The following GRM5 variants were observed in gnomAD, a reference collection of about 807,000 sequenced individuals.
GRM5 encodes glutamate metabotropic receptor 5.
In GRM5, 19 loss-of-function variants were observed where a neutral mutation model predicts 83.1. The ratio of observed to expected loss-of-function variants is 0.23; its 90% CI spans 0.16 to 0.34. GRM5 has a LOEUF of 0.34. Ranked by LOEUF, GRM5 falls within the 10% of genes least tolerant of loss-of-function variation. The pLI is 1.00. For missense variants in GRM5, 1,160 were observed against 1,588.3 expected (o/e 0.73, Z 4.58); for synonymous variants, 675 against 633.6 (o/e 1.07, Z -0.98).
chr11:88,599,434 T>G (rs1412431991), intron 5 of GRM5, among the ~76,000 whole-genome samples: 1 of 152,186 alleles, frequency 6.6e-6, no homozygotes, highest in Non-Finnish European at 1.5e-5. Context: ...CAGCTTAAGC[T>G]GTGAAAATAG....
chr11:88,676,721 T>A (rs1269664278), intron 3 of GRM5, among the ~76,000 whole-genome samples: 1 of 152,082 alleles, frequency 6.6e-6, no homozygotes, highest in Non-Finnish European at 1.5e-5. Context: ...CATTGTTTTC[T>A]AGATGCTATA....
At chr11:88,623,946 G>A (rs970646316) in intron 4 of GRM5, among the ~76,000 whole-genome samples, 6 of 152,106 alleles carry the variant, frequency 3.9e-5, no homozygotes, top group African/African-American at 1.2e-4. Flanking sequence ...GGTTTTTAGT[G>A]ATTGCAACAA....
At chr11:88,799,945 C>T (rs1361512167) in intron 3 of GRM5, among the ~76,000 whole-genome samples, 1 of 151,970 alleles carries the variant, frequency 6.6e-6, no homozygotes, top group African/African-American at 2.4e-5. Flanking sequence ...ACTCTGTGGG[C>T]CAATAGGCAA....
At chr11:88,624,031 T>G (rs1322863004) in intron 4 of GRM5, among the ~76,000 whole-genome samples, 1 of 152,236 alleles carries the variant, frequency 6.6e-6, no homozygotes, top group East Asian at 1.9e-4. Context: ...ACTAATTATT[T>G]AAGTTCCAAT....
intron 8 of GRM5, among the ~76,000 whole-genome samples, chr11:88,558,240 A>C (rs1942670595): frequency 6.6e-6 from 1 of 152,130 alleles, no homozygotes; most frequent in African/African-American, 2.4e-5. Flanking sequence ...CTCTCCAAAG[A>C]AAAGTAACTA....
chr11:88,706,274 G>A (rs1941155683), intron 3 of GRM5, among the ~76,000 whole-genome samples: 1 of 152,026 alleles, frequency 6.6e-6, no homozygotes, highest in Non-Finnish European at 1.5e-5. Flanking sequence ...CCCAGAAGCA[G>A]TCCCTAAGCC....
chr11:89,008,019 A>G (rs1940578898), intron 2 of GRM5, among the ~76,000 whole-genome samples: 1 of 152,226 alleles, frequency 6.6e-6, no homozygotes, highest in African/African-American at 2.4e-5. Flanking sequence ...CCAAACTTCA[A>G]TACCATTGTA....
intron 3 of GRM5, among the ~76,000 whole-genome samples, chr11:88,730,832 C>T (rs1228989021): frequency 6.6e-6 from 1 of 151,978 alleles, no homozygotes; most frequent in East Asian, 1.9e-4. Context: ...AACACATGGA[C>T]ACAGGGAGGG....
At chr11:88,903,645 A>C (rs1316880949) in intron 2 of GRM5, among the ~76,000 whole-genome samples, 2 of 152,214 alleles carry the variant, frequency 1.3e-5, no homozygotes, top group Non-Finnish European at 2.9e-5. Flanking sequence ...CAAATCAGAC[A>C]CAGAAATACA....
rs192193529 is a variant in GRM5, at chr11:88,940,953, T to G, written c.662-90798A>C. On this transcript the variant is annotated intron_variant, in intron 2 of 9. Transcript: ENST00000305447. The stretch of plus-strand genomic sequence containing the variant: ...TTACATGTGCACTCATATGTGACAA[T>G]GTGTTAAGTGCATACGCACAGTTTT... Among the ~76,000 whole-genome samples the G allele has an allele frequency of 2.7e-3, 405 of 152,142 alleles. 1 individual carries two copies. Among genetic ancestry groups the G allele is most frequent in the Admixed American group, 6.2e-3 (94 of 15,238 alleles).
intron 4 of GRM5, among the ~76,000 whole-genome samples, chr11:88,652,458 A>T (rs1939656475): frequency 6.6e-6 from 1 of 152,014 alleles, no homozygotes; most frequent in African/African-American, 2.4e-5. Context: ...TATTTTAAAC[A>T]CTTAGTTATC....
intron 3 of GRM5, among the ~76,000 whole-genome samples, chr11:88,703,606 C>T (rs995068020): frequency 5.9e-5 from 9 of 151,934 alleles, no homozygotes; most frequent in South Asian, 4.1e-4. Context: ...GAGAGGGACC[C>T]GGTGGGAGGT....
At position 88,597,253 on chromosome 11, in the gene GRM5, T is replaced by G; in HGVS notation, c.1494A>C (p.Glu498Asp). 4 of 1,607,120 alleles carry G rather than the reference T, an allele frequency of 2.5e-6. No homozygotes were observed. Among genetic ancestry groups the G allele is most frequent in the Non-Finnish European group, 3.4e-6 (4 of 1,173,960 alleles). The change falls in exon 6 of 10, where the codon GAA (glutamate) becomes GAC (aspartate). Residue 498 changes from glutamate (E) to aspartate (D), a missense_variant. Physicochemically the swap from Glu to Asp is conservative, Grantham distance 45 (BLOSUM62 2). Coordinates refer to ENST00000305447, the MANE Select transcript of GRM5 (RefSeq NM_001143831.3). ...TGATGTTGCTTTTCTTGGACCATAC[T>G]TCATCATCATCCATTTTTAATTCTC... The part of the protein sequence containing the change: ...DNGELKMDDD[E>D]VWSKKSNIIR...
At chr11:88,740,389 T>G (rs1942002001) in intron 3 of GRM5, among the ~76,000 whole-genome samples, 1 of 152,120 alleles carries the variant, frequency 6.6e-6, no homozygotes, top group South Asian at 2.1e-4. Context: ...TCAACTAATA[T>G]TTTAATAAGA....
At position 89,051,277 on chromosome 11, in the gene GRM5, AC is replaced by A. The variant is rs1941755249; in HGVS notation, c.-200-3206del. Among the ~76,000 whole-genome samples the A allele has an allele frequency of 1.6e-4, 24 of 150,846 alleles. 1 individual carries two copies. The South Asian group carries it at 4.8e-3, about 30-fold the overall frequency. On this transcript the variant is annotated intron_variant, in intron 1 of 9. Coordinates refer to ENST00000305447, the MANE Select transcript of GRM5 (RefSeq NM_001143831.3). Reference sequence around the variant, plus strand: ...TCACAAAAAAGAAAAAGAAAAATATACAGAAGAATGAAATAAAGGCAGTCAC... The same window carrying A: ...TCACAAAAAAGAAAAAGAAAAATATAAGAAGAATGAAATAAAGGCAGTCAC...
At chr11:88,515,443 G>T (rs772417834) in intron 9 of GRM5, among the ~76,000 whole-genome samples, 3 of 152,128 alleles carry the variant, frequency 2.0e-5, no homozygotes, top group Non-Finnish European at 4.4e-5. Context: ...ATAGTTTCAA[G>T]AAGCTAGAAT....
At chr11:88,860,008 T>C (rs1429648560) in intron 2 of GRM5, among the ~76,000 whole-genome samples, 4 of 152,156 alleles carry the variant, frequency 2.6e-5, no homozygotes, top group African/African-American at 4.8e-5. Context: ...AGACATACCA[T>C]ATTATCTTGT....
chr11:88,530,223 G>A (rs1273860691), intron 8 of GRM5, among the ~76,000 whole-genome samples: 3 of 152,014 alleles, frequency 2.0e-5, no homozygotes, highest in African/African-American at 7.2e-5. Context: ...AAAATCTGCT[G>A]AGTGCCTTGT....
intron 3 of GRM5, among the ~76,000 whole-genome samples, chr11:88,707,089 A>G (rs534229897): frequency 1.3e-4 from 20 of 152,048 alleles, no homozygotes; most frequent in Non-Finnish European, 2.5e-4. Flanking sequence ...ACACTTGTGG[A>G]TGATCAGATT....
Sources: allele counts gnomAD v4.1 joint callset (sites outside exome capture counted in the v4.1 genomes callset), GRCh38; gene constraint gnomAD v4.1.1; transcripts MANE v1.5; gene names NCBI Gene and HGNC (gene_info 2026-07-23, HGNC 2026-07-21).